Variants in NPAS3 observed in about 807,000 individuals in gnomAD.
The protein encoded by NPAS3 is neuronal PAS domain-containing protein 3.
NPAS3 carries 14 observed loss-of-function variants against 73.1 expected under a neutral mutation model. That is an observed-to-expected ratio of 0.19 (90% CI 0.13 to 0.30). The LOEUF (loss-of-function observed/expected upper bound fraction) is 0.30. Ranked by LOEUF, NPAS3 falls within the 10% of genes least tolerant of loss-of-function variation. NPAS3 has a pLI of 1.00. For missense variants in NPAS3, 1,096 were observed against 1,250.0 expected, an observed-to-expected ratio of 0.88 and a Z score of 1.86; for synonymous variants, 620 against 541.5, an observed-to-expected ratio of 1.14 and a Z score of -2.01.
chr14:33,788,737 T>C (rs778182169), intron 9 of NPAS3, among the ~76,000 whole-genome samples: 3 of 152,148 alleles, frequency 2.0e-5, no homozygotes, highest in Non-Finnish European at 4.4e-5. Context: ...TTCCTTTATG[T>C]CCTTTCAGTC....
intron 2 of NPAS3, among the ~76,000 whole-genome samples, chr14:33,176,788 C>T (rs934062756): frequency 1.3e-5 from 2 of 152,036 alleles, no homozygotes; most frequent in South Asian, 2.1e-4. Context: ...TTTTGAAGAA[C>T]CACAAAATTA....
At chr14:33,242,219 A>T (rs918630663) in intron 3 of NPAS3, among the ~76,000 whole-genome samples, 1 of 152,076 alleles carries the variant, frequency 6.6e-6, no homozygotes, top group Non-Finnish European at 1.5e-5. Context: ...AGAATAAAAA[A>T]CAAATAATGC....
At chr14:33,192,350 T>C (rs925827208) in intron 2 of NPAS3, among the ~76,000 whole-genome samples, 51 of 152,228 alleles carry the variant, frequency 3.4e-4, no homozygotes, top group Non-Finnish European at 6.5e-4. Flanking sequence ...CCATGGGTTC[T>C]TTAAGTCTTG....
chr14:33,605,948 G>A (rs954133929), intron 5 of NPAS3, among the ~76,000 whole-genome samples: 2 of 152,098 alleles, frequency 1.3e-5, no homozygotes, highest in African/African-American at 4.8e-5. Flanking sequence ...TTTGAGGACT[G>A]ACACTATCTA....
intron 2 of NPAS3, among the ~76,000 whole-genome samples, chr14:33,126,281 C>T (rs1219663950): frequency 6.6e-6 from 1 of 152,174 alleles, no homozygotes; most frequent in Non-Finnish European, 1.5e-5. Flanking sequence ...TGGTAAACTG[C>T]ATGCATTCTT....
chr14:33,680,078 A>G (rs1390821250), intron 6 of NPAS3, among the ~76,000 whole-genome samples: 1 of 152,200 alleles, frequency 6.6e-6, no homozygotes, highest in Non-Finnish European at 1.5e-5. Flanking sequence ...TGAGGAGCAC[A>G]GAACCTCTGA....
intron 3 of NPAS3, among the ~76,000 whole-genome samples, chr14:33,225,053 C>T (rs764477287): frequency 6.6e-6 from 1 of 152,166 alleles, no homozygotes. Context: ...TTATTTCCCA[C>T]TTTCCTGCCT....
At chr14:33,530,416 A>G (rs2053988695) in intron 4 of NPAS3, among the ~76,000 whole-genome samples, 1 of 152,198 alleles carries the variant, frequency 6.6e-6, no homozygotes. Context: ...GCATAATTAG[A>G]GTATCGTGGT....
chr14:33,251,244 A>T (rs532406684), intron 3 of NPAS3, among the ~76,000 whole-genome samples: 119 of 152,206 alleles, frequency 7.8e-4, no homozygotes, highest in African/African-American at 2.7e-3. Flanking sequence ...TTCTTTTCTT[A>T]TACAGAACTT....
At chr14:33,520,888 G>T (rs2053526087) in intron 4 of NPAS3, among the ~76,000 whole-genome samples, 1 of 152,144 alleles carries the variant, frequency 6.6e-6, no homozygotes, top group African/African-American at 2.4e-5. Flanking sequence ...GCTGAATGCT[G>T]CTAGATAGTC....
At chr14:33,014,483 C>T (rs1381098165) in intron 1 of NPAS3, among the ~76,000 whole-genome samples, 1 of 152,082 alleles carries the variant, frequency 6.6e-6, no homozygotes, top group African/African-American at 2.4e-5. Context: ...ACTAATTCTT[C>T]AGACAATGAT....
intron 8 of NPAS3, among the ~76,000 whole-genome samples, chr14:33,777,096 C>T (rs28667138): frequency 1.1e-3 from 168 of 152,318 alleles, no homozygotes; most frequent in African/African-American, 3.9e-3. Flanking sequence ...TTCCCAAGGA[C>T]GGCCTCAGGC....
intron 1 of NPAS3, among the ~76,000 whole-genome samples, chr14:32,976,597 A>G (rs2037688518): frequency 6.6e-6 from 1 of 152,190 alleles, no homozygotes; most frequent in Admixed American, 6.5e-5. Flanking sequence ...ACAAGGCCAA[A>G]ATCCATATCT....
chr14:33,265,296 A>G (rs1053096374), intron 3 of NPAS3, among the ~76,000 whole-genome samples: 15 of 152,216 alleles, frequency 9.9e-5, no homozygotes, highest in African/African-American at 3.6e-4. Context: ...TCAAAGAACT[A>G]TCAAGTAGAC....
chr14:33,244,010 C>T (rs1238467193), intron 3 of NPAS3, among the ~76,000 whole-genome samples: 9 of 152,102 alleles, frequency 5.9e-5, no homozygotes, highest in Non-Finnish European at 1.3e-4. Flanking sequence ...TAGAAGGCTT[C>T]CCAGCCCAAC....
chr14:33,794,503 C>T (rs898470916), intron 10 of NPAS3, among the ~76,000 whole-genome samples: 3 of 152,126 alleles, frequency 2.0e-5, no homozygotes, highest in Admixed American at 6.5e-5. Context: ...CCCTTTGATG[C>T]CCTTAGCATA....
At chr14:33,043,450 A>T (rs1433550369) in intron 1 of NPAS3, among the ~76,000 whole-genome samples, 1 of 152,114 alleles carries the variant, frequency 6.6e-6, no homozygotes, top group Non-Finnish European at 1.5e-5. Flanking sequence ...CCAAAATCTG[A>T]TATCAGGCAA....
At chr14:33,099,876 T>C (rs563111678) in intron 2 of NPAS3, among the ~76,000 whole-genome samples, 1 of 152,322 alleles carries the variant, frequency 6.6e-6, no homozygotes, top group South Asian at 2.1e-4. Context: ...GATTCTTGTA[T>C]TTGAAAACAC....
chr14:33,581,818 C>T (rs2056674827), intron 5 of NPAS3, among the ~76,000 whole-genome samples: 1 of 152,182 alleles, frequency 6.6e-6, no homozygotes, highest in South Asian at 2.1e-4. Context: ...AAGCCATCCA[C>T]CTGCCTCAGC....
Sources: allele counts gnomAD v4.1 joint callset (sites outside exome capture counted in the v4.1 genomes callset), GRCh38; gene constraint gnomAD v4.1.1; transcripts MANE v1.5; gene names NCBI Gene and HGNC (gene_info 2026-07-23, HGNC 2026-07-21).